The following RANBP2 variants were observed in gnomAD, a reference collection of about 807,000 sequenced individuals.
RANBP2 encodes the protein RAN binding protein 2, also known as E3 SUMO-protein ligase RanBP2.
Under a neutral mutation model 303.6 loss-of-function variants are expected in RANBP2, and 57 were observed. That is an observed-to-expected ratio of 0.19 (90% CI 0.15 to 0.23). The LOEUF (loss-of-function observed/expected upper bound fraction) is 0.23, where lower values mean the gene tolerates loss of function less well. Ranked by LOEUF, RANBP2 falls within the 10% of genes least tolerant of loss-of-function variation. The pLI, the probability that RANBP2 is intolerant of heterozygous loss-of-function variation, is 1.00. For synonymous variants in RANBP2, 1,167 were observed against 1,301.5 expected, an observed-to-expected ratio of 0.90 and a Z score of 2.23; for missense variants, 3,138 against 3,780.8, an observed-to-expected ratio of 0.83 and a Z score of 4.46.
At chr2:108,849,089 A>G in the RANBP2 span, among the ~76,000 whole-genome samples, 3 of 152,322 alleles carry the variant, frequency 2.0e-5, no homozygotes, top group Non-Finnish European at 4.4e-5. Context: ...CCTGAAATTT[A>G]AAAATACACT....
chr2:109,630,970 G>A, the RANBP2 span, among the ~76,000 whole-genome samples: 3 of 152,172 alleles, frequency 2.0e-5, no homozygotes, highest in African/African-American at 7.2e-5. Flanking sequence ...GGAGGCTGAG[G>A]CAGGAGAACC....
At chr2:108,949,003 G>A in the RANBP2 span, among the ~76,000 whole-genome samples, 2 of 152,162 alleles carry the variant, frequency 1.3e-5, no homozygotes, top group Non-Finnish European at 2.9e-5. Flanking sequence ...TTTAGGCAGA[G>A]TCTCACTCTG....
the RANBP2 span, among the ~76,000 whole-genome samples, chr2:109,289,546 A>G: frequency 6.6e-6 from 1 of 152,192 alleles, no homozygotes; most frequent in African/African-American, 2.4e-5. Context: ...GATCTTAGCA[A>G]TTATGGGGAC....
intron 7 of RANBP2, among the ~76,000 whole-genome samples, chr2:108,744,536 C>G (rs1214574049): frequency 3.9e-5 from 6 of 152,076 alleles, no homozygotes; most frequent in African/African-American, 7.2e-5. Flanking sequence ...AGGTCAGTTT[C>G]AAAACAAAAA....
At chr2:109,259,223 A>G in the RANBP2 span, among the ~76,000 whole-genome samples, 2 of 152,214 alleles carry the variant, frequency 1.3e-5, no homozygotes, top group South Asian at 4.1e-4. Flanking sequence ...CATGGGTCGG[A>G]TTAAAGGGTG....
At chr2:109,590,223 T>TTA in the RANBP2 span, among the ~76,000 whole-genome samples, 1 of 151,892 alleles carries the variant, frequency 6.6e-6, no homozygotes, top group African/African-American at 2.4e-5. Context: ...AAATCGCTTT[T>TTA]TATTGTATAT....
At chr2:109,104,096 A>C in the RANBP2 span, among the ~76,000 whole-genome samples, 1 of 152,034 alleles carries the variant, frequency 6.6e-6, no homozygotes, top group South Asian at 2.1e-4. Flanking sequence ...TTCGGCGAAG[A>C]TTCTTTACAG....
chr2:109,403,802 C>T, the RANBP2 span, among the ~76,000 whole-genome samples: 5 of 152,222 alleles, frequency 3.3e-5, no homozygotes, highest in Admixed American at 2.0e-4. Flanking sequence ...CTTATCCTTG[C>T]ACCTGCAACC....
the RANBP2 span, among the ~76,000 whole-genome samples, chr2:109,673,557 AC>A: frequency 6.6e-6 from 1 of 152,274 alleles, no homozygotes; most frequent in African/African-American, 2.4e-5. Context: ...TAGGGGAGAG[AC>A]AGCTAAAGAA....
At chr2:109,693,907 G>A in the RANBP2 span, among the ~76,000 whole-genome samples, 7 of 152,238 alleles carry the variant, frequency 4.6e-5, no homozygotes, top group South Asian at 1.0e-3. Flanking sequence ...ACTGAGACCT[G>A]TCTCAGATAT....
At chr2:109,025,203 A>T in the RANBP2 span, among the ~76,000 whole-genome samples, 1 of 152,206 alleles carries the variant, frequency 6.6e-6, no homozygotes, top group Non-Finnish European at 1.5e-5. Flanking sequence ...TTCCTTTTTA[A>T]GGCTGAATAA....
At chr2:109,484,026 T>C in the RANBP2 span, among the ~76,000 whole-genome samples, 11 of 150,776 alleles carry the variant, frequency 7.3e-5, no homozygotes, top group South Asian at 2.1e-3. Flanking sequence ...GCCTCCTCAG[T>C]TGGCCCTAGA....
the RANBP2 span, among the ~76,000 whole-genome samples, chr2:108,816,471 A>G: frequency 3.3e-5 from 5 of 152,084 alleles, no homozygotes; most frequent in African/African-American, 1.2e-4. Flanking sequence ...AACAAAAAAC[A>G]AATTTGAGGG....
the RANBP2 span, among the ~76,000 whole-genome samples, chr2:109,155,451 C>T: frequency 2.0e-5 from 3 of 151,990 alleles, no homozygotes; most frequent in African/African-American, 2.4e-5. Flanking sequence ...TACAGGCGCC[C>T]ACCACCACGC....
chr2:109,437,688 G>A, the RANBP2 span, among the ~76,000 whole-genome samples: 2 of 150,744 alleles, frequency 1.3e-5, no homozygotes, highest in Non-Finnish European at 3.0e-5. Context: ...AATGACAGCT[G>A]TTGATCCTTC....
At chr2:109,603,262 TCTCA>T in the RANBP2 span, among the ~76,000 whole-genome samples, 6 of 151,842 alleles carry the variant, frequency 4.0e-5, no homozygotes, top group African/African-American at 1.2e-4. Flanking sequence ...TTTGAGACAG[TCTCA>T]CTGTGTCACC....
chr2:108,920,127 G>C, the RANBP2 span, among the ~76,000 whole-genome samples: 1 of 152,228 alleles, frequency 6.6e-6, no homozygotes, highest in Non-Finnish European at 1.5e-5. Flanking sequence ...GTCAGTGAGG[G>C]AAGTGCAGGC....
the RANBP2 span, among the ~76,000 whole-genome samples, chr2:109,282,589 G>A: frequency 3.3e-5 from 5 of 152,204 alleles, no homozygotes; most frequent in Non-Finnish European, 5.9e-5. Context: ...CCAGGAGAAC[G>A]GCGCACAGAG....
chr2:109,392,427 G>A, the RANBP2 span, among the ~76,000 whole-genome samples: 2 of 152,144 alleles, frequency 1.3e-5, no homozygotes, highest in Admixed American at 6.5e-5. Context: ...CTGTCACCTC[G>A]TGGTGGATAT....
Sources: gnomAD v4.1 joint callset for allele counts (sites outside exome capture counted in the v4.1 genomes callset) on GRCh38, gnomAD v4.1.1 for gene constraint, MANE v1.5 for transcripts, NCBI Gene and HGNC (gene_info 2026-07-23, HGNC 2026-07-21) for gene names.